GRIK2: variants seen among roughly 807,000 people sequenced by gnomAD.
GRIK2 encodes the protein glutamate receptor ionotropic, kainate 2.
A neutral mutation model predicts 100.3 loss-of-function variants in GRIK2; 32 were observed. The observed-to-expected ratio is 0.32, with a 90% CI of 0.24 to 0.43. The LOEUF (loss-of-function observed/expected upper bound fraction) is 0.43. GRIK2 is among the 20% of genes least tolerant of loss of function. The pLI, the probability that GRIK2 is intolerant of heterozygous loss-of-function variation, is 1.00. For synonymous variants in GRIK2, 417 were observed against 389.4 expected (o/e 1.07, Z -0.83); for missense variants, 843 against 1,114.9 (o/e 0.76, Z 3.47).
chr6:101,859,259 C>G, intron 10 of GRIK2, 28 bp from the exon 11 acceptor site: 1 of 1,185,704 alleles, frequency 8.4e-7, no homozygotes, highest in Non-Finnish European at 1.3e-6. Context: ...TAACTGTTAC[C>G]TCTTTTCTTC....
At chr6:101,719,419 T>A (rs1372311372) in intron 7 of GRIK2, among the ~76,000 whole-genome samples, 2 of 151,880 alleles carry the variant, frequency 1.3e-5, no homozygotes, top group Non-Finnish European at 2.9e-5. Context: ...TGATTTTATG[T>A]CATTTACTTA....
intron 15 of GRIK2, among the ~76,000 whole-genome samples, chr6:102,050,294 A>G (rs1771101877): frequency 6.6e-6 from 1 of 151,812 alleles, no homozygotes; most frequent in African/African-American, 2.4e-5. Flanking sequence ...AAAGAATGAT[A>G]GAGGGGGAAG....
chr6:101,674,595 A>T, intron 4 of GRIK2, among the ~76,000 whole-genome samples: 1 of 152,208 alleles, frequency 6.6e-6, no homozygotes, highest in South Asian at 2.1e-4. Context: ...TTTACAGCTC[A>T]ATGTTAACAC....
intron 9 of GRIK2, among the ~76,000 whole-genome samples, chr6:101,807,297 A>G (rs1382013018): frequency 6.6e-6 from 1 of 152,034 alleles, no homozygotes; most frequent in African/African-American, 2.4e-5. Flanking sequence ...GTAAGGATCC[A>G]CATTGCTTCA....
intron 2 of GRIK2, among the ~76,000 whole-genome samples, chr6:101,547,601 A>G (rs1338310318): frequency 6.6e-6 from 1 of 152,190 alleles, no homozygotes; most frequent in African/African-American, 2.4e-5. Flanking sequence ...AAATTTGCTG[A>G]GAATGATGGT....
intron 14 of GRIK2, among the ~76,000 whole-genome samples, chr6:102,005,317 A>T (rs1249089842): frequency 6.6e-6 from 1 of 152,002 alleles, no homozygotes; most frequent in South Asian, 2.1e-4. Flanking sequence ...AAAGATTAAT[A>T]TATAATCTAT....
rs137888470 is a variant in GRIK2, at chr6:101,925,087, T to G, written c.1867+368T>G. On this transcript the variant is annotated intron_variant, in intron 13 of 16. Coordinates refer to ENST00000369134, the MANE Select transcript of GRIK2 (RefSeq NM_021956.5). ...CAGTGTTATGCTCCTGTTTCTTGTC[T>G]CATTTTGATGTAAAATCTTCTCTTT... Among the ~76,000 whole-genome samples the G allele has an allele frequency of 7.3e-3, 1,117 of 152,296 alleles. 16 individuals are homozygous for G. Among genetic ancestry groups the G allele is most frequent in the African/African-American group, 0.025 (1,052 of 41,572 alleles).
intron 4 of GRIK2, among the ~76,000 whole-genome samples, chr6:101,667,844 C>G (rs185473884): frequency 6.6e-6 from 1 of 152,256 alleles, no homozygotes; most frequent in Admixed American, 6.5e-5. Context: ...CCACCTGGGT[C>G]AGATCCCGTA....
chr6:101,473,469 C>G (rs1214972054), intron 2 of GRIK2, among the ~76,000 whole-genome samples: 1 of 151,678 alleles, frequency 6.6e-6, no homozygotes, highest in Non-Finnish European at 1.5e-5. Context: ...GTAAAAAATT[C>G]TGTTGGACTT....
intron 2 of GRIK2, among the ~76,000 whole-genome samples, chr6:101,539,709 A>G (rs1018130192): frequency 7.2e-5 from 11 of 151,756 alleles, no homozygotes; most frequent in African/African-American, 2.7e-4. Context: ...TGGATTCTAC[A>G]TGGCTGAGTC....
chr6:101,828,377 A>G (rs1035839106), intron 10 of GRIK2, among the ~76,000 whole-genome samples: 2 of 151,934 alleles, frequency 1.3e-5, no homozygotes, highest in Non-Finnish European at 2.9e-5. Context: ...AACTAGAAAA[A>G]CAAGAACAAA....
intron 14 of GRIK2, among the ~76,000 whole-genome samples, chr6:101,961,191 T>A (rs1792274341): frequency 6.6e-6 from 1 of 152,104 alleles, no homozygotes; most frequent in South Asian, 2.1e-4. Flanking sequence ...TCTTCAGGAC[T>A]CAATGTAACT....
At position 101,894,357 on chromosome 6, in the gene GRIK2, A is replaced by G. The variant is rs139260353; in HGVS notation, c.1748+4494A>G. Among the ~76,000 whole-genome samples, 12 of 151,870 alleles carry G rather than the reference A, an allele frequency of 7.9e-5. No homozygotes were observed. The East Asian group carries it at 2.3e-3, about 29-fold the overall frequency. On this transcript the variant is annotated intron_variant, in intron 12 of 16. Transcript: ENST00000369134. ...CCTGTAAGCAGTTATATTATTATTT[A>G]TAGCATAATGACATAATCAGCATGC...
intron 14 of GRIK2, among the ~76,000 whole-genome samples, chr6:101,957,634 G>T (rs1792022663): frequency 6.6e-6 from 1 of 151,978 alleles, no homozygotes; most frequent in East Asian, 1.9e-4. Context: ...ATTTTCAAAG[G>T]TTCCCTTCAG....
At chr6:101,665,423 T>A (rs1769952428) in intron 4 of GRIK2, among the ~76,000 whole-genome samples, 1 of 152,194 alleles carries the variant, frequency 6.6e-6, no homozygotes, top group East Asian at 1.9e-4. Flanking sequence ...ACTGTCATAG[T>A]GTATGTCTGC....
chr6:101,941,376 C>T (rs1456087647), intron 14 of GRIK2, among the ~76,000 whole-genome samples: 3 of 151,942 alleles, frequency 2.0e-5, no homozygotes, highest in Non-Finnish European at 4.4e-5. Flanking sequence ...ATGAACATTG[C>T]AATTTGCTGC....
intron 9 of GRIK2, among the ~76,000 whole-genome samples, chr6:101,815,547 A>T (rs2128420542): frequency 6.6e-6 from 1 of 152,076 alleles, no homozygotes; most frequent in South Asian, 2.1e-4. Context: ...GCAAACCAGG[A>T]TGTAGAGTCA....
intron 7 of GRIK2, among the ~76,000 whole-genome samples, chr6:101,730,020 A>G (rs1309874578): frequency 6.6e-6 from 1 of 151,986 alleles, no homozygotes; most frequent in Non-Finnish European, 1.5e-5. Context: ...TTTTAGATCT[A>G]TAAATTTCAG....
chr6:101,617,830 G>A (rs1185161871), intron 2 of GRIK2, among the ~76,000 whole-genome samples: 2 of 151,382 alleles, frequency 1.3e-5, no homozygotes, highest in African/African-American at 2.4e-5. Flanking sequence ...AGTCTTTTCT[G>A]TCTCTCCCTC....
Sources: allele counts gnomAD v4.1 joint callset (sites outside exome capture counted in the v4.1 genomes callset), GRCh38; gene constraint gnomAD v4.1.1; transcripts MANE v1.5; gene names NCBI Gene and HGNC (gene_info 2026-07-23, HGNC 2026-07-21).